The following CSMD1 variants were observed in gnomAD, a reference collection of about 807,000 sequenced individuals.
CSMD1 encodes the protein CUB and Sushi multiple domains 1.
In CSMD1, 213 loss-of-function variants were observed where a neutral mutation model predicts 417.5. That is an observed-to-expected ratio of 0.51 (90% CI 0.46 to 0.57). CSMD1 has a LOEUF of 0.57. Ranked by LOEUF, CSMD1 falls within the 20% of genes least tolerant of loss-of-function variation. CSMD1 has a pLI of 0.00. For missense variants in CSMD1, 6,923 were observed against 4,529.7 expected (o/e 1.53, Z -15.17); for synonymous variants, 2,862 against 1,736.8 (o/e 1.65, Z -16.11).
At chr8:3,774,513 C>G (rs928438902) in intron 5 of CSMD1, among the ~76,000 whole-genome samples, 1 of 152,144 alleles carries the variant, frequency 6.6e-6, no homozygotes, top group Admixed American at 6.6e-5. Flanking sequence ...TAGAAAGATG[C>G]TGAATACATG....
intron 14 of CSMD1, among the ~76,000 whole-genome samples, chr8:3,407,156 T>C (rs776145735): frequency 2.4e-5 from 3 of 127,094 alleles, no homozygotes; most frequent in Non-Finnish European, 4.9e-5. Context: ...CATGGATGGA[T>C]GGACAGATGG....
chr8:3,076,179 G>C (rs964533654), intron 49 of CSMD1, among the ~76,000 whole-genome samples: 2 of 152,184 alleles, frequency 1.3e-5, no homozygotes, highest in Non-Finnish European at 2.9e-5. Context: ...CACAGTCCTG[G>C]AGGCCGGAAG....
intron 3 of CSMD1, among the ~76,000 whole-genome samples, chr8:4,372,244 G>C (rs570822431): frequency 7.7e-4 from 117 of 152,228 alleles, no homozygotes; most frequent in Non-Finnish European, 1.5e-3. Flanking sequence ...TTTATATGAA[G>C]TAAAGATACA....
intron 4 of CSMD1, among the ~76,000 whole-genome samples, chr8:4,021,945 T>A (rs950356136): frequency 6.6e-6 from 1 of 151,936 alleles, no homozygotes; most frequent in Non-Finnish European, 1.5e-5. Flanking sequence ...GATCTTTATT[T>A]TTTTCAACTA....
At chr8:3,190,304 G>T (rs62502937) in intron 33 of CSMD1, among the ~76,000 whole-genome samples, 189 bp from the exon 34 acceptor site, 5 of 100,714 alleles carry the variant, frequency 5.0e-5, no homozygotes, top group Admixed American at 1.1e-4. Context: ...AGATAGAGAA[G>T]TTAATAAAGC....
rs66500235 is a variant in CSMD1 at position 3,643,700 on chromosome 8, C to CAAAAAAAAAAAAA, written c.1010-26916_1010-26904dup. On this transcript the variant is annotated intron_variant, in intron 7 of 69. Coordinates refer to ENST00000635120, the MANE Select transcript of CSMD1 (RefSeq NM_033225.6). ...TGGGCGACAGCGTGAGACTCCGTCTCAAAAAAAAAAAAAAAAAAAAAAGGA... is the reference window on the plus strand; with the variant it reads ...TGGGCGACAGCGTGAGACTCCGTCTCAAAAAAAAAAAAAAAAAAAAAAAAAAAAAAAAAAAGGA... Among the ~76,000 whole-genome samples the CAAAAAAAAAAAAA allele has an allele frequency of 5.6e-4, 48 of 85,338 alleles. 1 individual carries two copies. The highest frequency in any genetic ancestry group is 1.2e-3 in the East Asian group (3 of 2,404). The allele number at this position is 85,338 out of a possible 152,430, so 56.0% of individuals were successfully genotyped here. A position where few individuals can be genotyped will look rare whatever the true frequency, so the allele number is the denominator to read the frequency against.
At chr8:4,326,072 C>A (rs1181207564) in intron 3 of CSMD1, among the ~76,000 whole-genome samples, 1 of 152,188 alleles carries the variant, frequency 6.6e-6, no homozygotes, top group Non-Finnish European at 1.5e-5. Context: ...CACTAGCATT[C>A]ATCAGCATTA....
intron 1 of CSMD1, among the ~76,000 whole-genome samples, chr8:4,663,513 G>A (rs184391158): frequency 2.6e-5 from 4 of 152,116 alleles, no homozygotes; most frequent in African/African-American, 7.2e-5. Flanking sequence ...TCCCCTTGCT[G>A]TTGTCCTGAT....
chr8:3,660,554 C>T (rs1407508982), intron 7 of CSMD1, among the ~76,000 whole-genome samples: 1 of 104,632 alleles, frequency 9.6e-6, no homozygotes, highest in African/African-American at 3.6e-5. Flanking sequence ...AAAACAAGGC[C>T]CTGCAGTCCA....
At chr8:4,708,291 T>C (rs927981999) in intron 1 of CSMD1, among the ~76,000 whole-genome samples, 36 of 152,278 alleles carry the variant, frequency 2.4e-4, no homozygotes, top group African/African-American at 8.2e-4. Context: ...TAAATCATTG[T>C]CATTTACATA....
chr8:3,769,066 C>A (rs530806692), intron 5 of CSMD1, among the ~76,000 whole-genome samples: 1 of 152,214 alleles, frequency 6.6e-6, no homozygotes, highest in African/African-American at 2.4e-5. Flanking sequence ...GAAAGTCAGT[C>A]AGGAAAAGTC....
chr8:4,795,893 T>C (rs917426398), intron 1 of CSMD1, among the ~76,000 whole-genome samples: 1 of 152,134 alleles, frequency 6.6e-6, no homozygotes, highest in Non-Finnish European at 1.5e-5. Context: ...CATGTTAAGG[T>C]AGACTGAAAA....
chr8:4,722,232 A>C (rs1410006229), intron 1 of CSMD1, among the ~76,000 whole-genome samples: 3 of 152,126 alleles, frequency 2.0e-5, no homozygotes, highest in African/African-American at 7.2e-5. Flanking sequence ...TTGCTTGAGT[A>C]CACTTATTTG....
intron 2 of CSMD1, among the ~76,000 whole-genome samples, chr8:4,579,863 A>G (rs1192671229): frequency 6.6e-6 from 1 of 152,182 alleles, no homozygotes; most frequent in Non-Finnish European, 1.5e-5. Context: ...TCCCAAGTGT[A>G]AAACTTTACC....
chr8:4,270,880 T>A (rs1804545275), intron 3 of CSMD1, among the ~76,000 whole-genome samples: 1 of 152,152 alleles, frequency 6.6e-6, no homozygotes, highest in African/African-American at 2.4e-5. Flanking sequence ...TCTGAGGACC[T>A]CATTCCTTCA....
At chr8:4,296,457 G>A (rs1046034489) in intron 3 of CSMD1, among the ~76,000 whole-genome samples, 3 of 152,120 alleles carry the variant, frequency 2.0e-5, no homozygotes, top group African/African-American at 7.2e-5. Flanking sequence ...CTCATGGCCA[G>A]AGGTAAAATA....
intron 2 of CSMD1, among the ~76,000 whole-genome samples, chr8:4,557,825 G>A (rs762668874): frequency 4.1e-4 from 62 of 152,240 alleles, no homozygotes; most frequent in African/African-American, 1.3e-3. Context: ...TTCTCGTTAC[G>A]TTTCATAGCT....
intron 2 of CSMD1, among the ~76,000 whole-genome samples, chr8:4,449,818 C>T (rs1222822044): frequency 6.6e-6 from 1 of 152,052 alleles, no homozygotes; most frequent in East Asian, 1.9e-4. Flanking sequence ...TGCAAGCTTC[C>T]CCTCCTACGT....
At chr8:3,553,648 A>C (rs1044241887) in intron 10 of CSMD1, among the ~76,000 whole-genome samples, 24 of 152,212 alleles carry the variant, frequency 1.6e-4, no homozygotes, top group African/African-American at 4.6e-4. Flanking sequence ...CTTGAAAACA[A>C]CTTGACTCTT....
Sources: allele counts gnomAD v4.1 joint callset (sites outside exome capture counted in the v4.1 genomes callset), GRCh38; gene constraint gnomAD v4.1.1; transcripts MANE v1.5; gene names NCBI Gene and HGNC (gene_info 2026-07-23, HGNC 2026-07-21).